ZC3HAV1: variants seen among roughly 807,000 people sequenced by gnomAD.
ZC3HAV1 encodes zinc finger CCCH-type antiviral protein 1.
A neutral mutation model predicts 86.6 loss-of-function variants in ZC3HAV1; 41 were observed. That is an observed-to-expected ratio of 0.47 (90% CI 0.37 to 0.61). ZC3HAV1 has a LOEUF of 0.61. Among genes scored for constraint, ZC3HAV1 ranks in the 20% least tolerant of loss-of-function variants. ZC3HAV1 has a pLI of 0.00. For synonymous variants in ZC3HAV1, 421 were observed against 432.1 expected (o/e 0.97, Z 0.32); for missense variants, 964 against 1,141.1 (o/e 0.84, Z 2.24).
chr7:139,076,470 A>T (rs1816955582), intron 5 of ZC3HAV1, 61 bp from the exon 6 acceptor site: 1 of 1,599,628 alleles, frequency 6.3e-7, no homozygotes, highest in Non-Finnish European at 8.5e-7. Flanking sequence ...CAATTCAGTC[A>T]AGTTCACTGC....
intron 10 of ZC3HAV1, 77 bp from the exon 11 acceptor site, chr7:139,054,172 A>C: frequency 2.2e-6 from 3 of 1,387,792 alleles, no homozygotes; most frequent in Non-Finnish European, 1.9e-6. Context: ...GTGCCCCCTT[A>C]TGCCATGAAG....
Position 139,055,208 on chromosome 7 carries a change from A to T in ZC3HAV1, c.2184T>A (p.Tyr728Ter). The change falls in exon 10 of 13, where the codon TAT (tyrosine) becomes TAA (stop). Residue 728 changes from tyrosine (Y) to a stop codon, truncating the protein, a stop_gained. Coordinates refer to ENST00000242351, the MANE Select transcript of ZC3HAV1 (RefSeq NM_020119.4). LOFTEE classifies it high-confidence loss of function. ...CCAAACATGTAAAACCAAGTACCTT[A>T]TATTTCTTTGAGGATAGGAAGCAAA... is the stretch of plus-strand genomic sequence containing the variant. The part of the protein sequence containing the change: ...EDFCFLSSKK[Y>*]KLSEIHHLHP... 6.2e-7 allele frequency: 1 copy of T among 1,612,630 alleles called. No homozygotes were observed. The highest frequency in any genetic ancestry group is 2.2e-5 in the East Asian group (1 of 44,838).
intron 1 of ZC3HAV1, among the ~76,000 whole-genome samples, chr7:139,101,303 C>A (rs1817754532): frequency 6.8e-6 from 1 of 147,908 alleles, no homozygotes. Context: ...CCTGGCCGCC[C>A]ATCGTCTGGG....
chr7:139,094,044 C>T (rs1412458676), intron 1 of ZC3HAV1, among the ~76,000 whole-genome samples: 1 of 152,106 alleles, frequency 6.6e-6, no homozygotes, highest in Non-Finnish European at 1.5e-5. Context: ...AAAATTTGGT[C>T]CCTAGGCCAA....
intron 1 of ZC3HAV1, among the ~76,000 whole-genome samples, chr7:139,101,848 G>C (rs968624737): frequency 6.6e-6 from 1 of 151,900 alleles, no homozygotes; most frequent in Non-Finnish European, 1.5e-5. Flanking sequence ...CTAATCTCAA[G>C]TACCCAGGGA....
At chr7:139,103,328 C>A (rs913002500) in intron 1 of ZC3HAV1, among the ~76,000 whole-genome samples, 4 of 149,374 alleles carry the variant, frequency 2.7e-5, no homozygotes, top group Admixed American at 2.0e-4. Context: ...TAGTCTTGAA[C>A]TCCTGTCCTC....
At chr7:139,053,075 C>T (rs1816182756) in intron 12 of ZC3HAV1, among the ~76,000 whole-genome samples, 1 of 152,160 alleles carries the variant, frequency 6.6e-6, no homozygotes, top group African/African-American at 2.4e-5. Context: ...TAATTAAAAC[C>T]AATCTGTGAC....
At chr7:139,072,521 C>A (rs916645371) in intron 7 of ZC3HAV1, among the ~76,000 whole-genome samples, 1 of 152,078 alleles carries the variant, frequency 6.6e-6, no homozygotes, top group Non-Finnish European at 1.5e-5. Context: ...TAATCTCTTG[C>A]TTTCATTTTC....
chr7:139,050,790 C>T (rs867170064), intron 12 of ZC3HAV1, among the ~76,000 whole-genome samples: 2 of 152,202 alleles, frequency 1.3e-5, no homozygotes, highest in Non-Finnish European at 2.9e-5. Flanking sequence ...CTACATTTCC[C>T]ATTTCCTCCA....
intron 1 of ZC3HAV1, among the ~76,000 whole-genome samples, chr7:139,107,941 T>C (rs988648201): frequency 5.3e-5 from 8 of 152,084 alleles, no homozygotes; most frequent in African/African-American, 1.9e-4. Context: ...CAACAAGGCG[T>C]TCATTCAGTT....
In ZC3HAV1 at chr7:139,087,182, A is replaced by T. The variant is rs1270172303; in HGVS notation, c.444+2442T>A. Among the ~76,000 whole-genome samples, 4 of 152,210 alleles carry T rather than the reference A, an allele frequency of 2.6e-5. No homozygotes were observed. In the East Asian group the frequency reaches 5.8e-4, roughly 22 times the overall value. ...TGCCATGACAAGACTGCATCTTGTC[A>T]TTCCCTCAATGAAAGAAAAAGGATG... On this transcript the variant is annotated intron_variant, in intron 2 of 12. Coordinates refer to ENST00000242351, the MANE Select transcript of ZC3HAV1 (RefSeq NM_020119.4).
At chr7:139,060,827 G>C in intron 9 of ZC3HAV1, 1 of 1,460,854 alleles carries the variant, frequency 6.8e-7, no homozygotes, top group African/African-American at 1.4e-5. Context: ...CTTTCAGAAA[G>C]AAAATTCATT....
rs759175197 is a variant in ZC3HAV1 at position 139,079,902 on chromosome 7, T to G, written c.1039A>C (p.Thr347Pro). The change falls in exon 4 of 13, where the codon ACT becomes CCT. Residue 347 changes from threonine (T) to proline (P), a missense_variant. Thr to Pro is a conservative substitution (Grantham distance 38, BLOSUM62 -1). Transcript: ENST00000242351. ...GATGTTGAATTGGAAGCAAGGTAAG[T>G]GCTGCCTGGATTTCCATGCAAGAGG... ...EDLLHGNPGS[T>P]YLASNSTSAP... 2.5e-6 allele frequency: 4 copies of G among 1,614,186 alleles called. No homozygotes were observed. Among genetic ancestry groups the G allele is most frequent in the Non-Finnish European group, 3.4e-6 (4 of 1,180,024 alleles).
At chr7:139,059,840 A>G (rs1156356761) in intron 9 of ZC3HAV1, among the ~76,000 whole-genome samples, 3 of 152,188 alleles carry the variant, frequency 2.0e-5, no homozygotes, top group Non-Finnish European at 4.4e-5. Context: ...AATAATAATA[A>G]CCAGAGCAGT....
At chr7:139,068,619 G>A (rs929091172) in intron 7 of ZC3HAV1, among the ~76,000 whole-genome samples, 1 of 152,214 alleles carries the variant, frequency 6.6e-6, no homozygotes, top group African/African-American at 2.4e-5. Context: ...ATTGCCGCAT[G>A]TGGCAAGTGG....
intron 12 of ZC3HAV1, among the ~76,000 whole-genome samples, chr7:139,052,317 G>A (rs1005252298): frequency 8.2e-6 from 1 of 122,144 alleles, no homozygotes; most frequent in Non-Finnish European, 1.6e-5. Flanking sequence ...TTTAAGAGTT[G>A]CATGCAGGCC....
chr7:139,060,207 C>CT lies in ZC3HAV1; in HGVS notation c.2096+828dup, dbSNP rs149575908. 1.1e-3 allele frequency: 1,039 copies of CT among 981,932 alleles called. 9 individuals carry two copies. The African/African-American group carries it at 0.017, about 16-fold the overall frequency. 60.8% of individuals were successfully genotyped at this position (981,932 alleles called of 1,614,324 possible). ...AGTTATTTATCTTTTTAGTAACTTC[C>CT]TTTTTCATCAAATAGCTTGAATTCT... On this transcript the variant is annotated intron_variant, in intron 9 of 12. Transcript: ENST00000242351.
At position 139,055,254 on chromosome 7, in the gene ZC3HAV1, G is replaced by T; in HGVS notation, c.2138C>A (p.Thr713Asn). ...GCAAAAGTCCTCCTGAGGACGAAAG[G>T]TCGCAGTTAAAGACACTGACGAGGT... ...AKTSSVSLTATFRPQEDFCFL... is the reference protein window; with the variant it reads ...AKTSSVSLTANFRPQEDFCFL... The change falls in exon 10 of 13, where the codon ACC becomes AAC. Residue 713 changes from threonine (T) to asparagine (N), a missense_variant. Transcript: ENST00000242351. The T allele has an allele frequency of 2.5e-6, 4 of 1,613,466 alleles. No individual in the cohort carries two copies. Among genetic ancestry groups the T allele is most frequent in the South Asian group, 1.1e-5 (1 of 90,914 alleles).
chr7:139,073,613 C>G (rs1477921478), intron 7 of ZC3HAV1, among the ~76,000 whole-genome samples: 2 of 152,072 alleles, frequency 1.3e-5, no homozygotes, highest in South Asian at 2.1e-4. Flanking sequence ...GCCTCAGCCT[C>G]CAGAGTAGCG....
Sources: allele counts gnomAD v4.1 joint callset (sites outside exome capture counted in the v4.1 genomes callset), GRCh38; gene constraint gnomAD v4.1.1; transcripts MANE v1.5; gene names NCBI Gene and HGNC (gene_info 2026-07-23, HGNC 2026-07-21).